MGAT4C: variants seen among roughly 807,000 people sequenced by gnomAD.
MGAT4C encodes the protein MGAT4 family member C, also known as alpha-1,3-mannosyl-glycoprotein 4-beta-N-acetylglucosaminyltransferase C.
A neutral mutation model predicts 40.1 loss-of-function variants in MGAT4C; 19 were observed. That is an observed-to-expected ratio of 0.47 (90% CI 0.33 to 0.70). The LOEUF is 0.70. MGAT4C is among the 30% of genes least tolerant of loss of function. The probability of loss-of-function intolerance (pLI) is 0.02; values close to 1 mark genes in which losing one functional copy is unlikely to be tolerated. For synonymous variants in MGAT4C, 181 were observed against 187.1 expected, an observed-to-expected ratio of 0.97 and a Z score of 0.27; for missense variants, 491 against 563.2, an observed-to-expected ratio of 0.87 and a Z score of 1.30.
chr12:86,112,076 C>A (rs372241864), intron 1 of MGAT4C, among the ~76,000 whole-genome samples: 26 of 151,706 alleles, frequency 1.7e-4, no homozygotes, highest in Admixed American at 5.3e-4. Flanking sequence ...TAAGTATAAG[C>A]TAAATACAAT....
chr12:86,804,082 A>G (rs1650798497), intron 1 of MGAT4C, among the ~76,000 whole-genome samples: 2 of 149,986 alleles, frequency 1.3e-5, no homozygotes, highest in African/African-American at 2.5e-5. Flanking sequence ...AATACTATGC[A>G]GCCATAAAAA....
intron 1 of MGAT4C, among the ~76,000 whole-genome samples, chr12:86,233,922 T>C (rs1389292): frequency 0.89 from 135,881 of 152,142 alleles, 60,899 homozygotes; most frequent in East Asian, 1. Flanking sequence ...TTATTTTCTA[T>C]TATATACAAG....
chr12:86,358,356 C>T (rs1955367598), intron 3 of MGAT4C, among the ~76,000 whole-genome samples: 1 of 152,154 alleles, frequency 6.6e-6, no homozygotes, highest in Non-Finnish European at 1.5e-5. Context: ...ACAACCACTA[C>T]CAGCCACTGC....
rs56844963 is a variant in MGAT4C at position 86,200,127 on chromosome 12, G to GTTTT, written c.-57+56108_-57+56111dup. 1.6e-3 allele frequency among the ~76,000 whole-genome samples: 160 copies of GTTTT among 102,302 alleles called. 1 individual carries two copies. Among genetic ancestry groups the GTTTT allele is most frequent in the East Asian group, 6.2e-3 (20 of 3,232 alleles). The allele number at this position is 102,302 out of a possible 152,430, so 67.1% of individuals were successfully genotyped here. A position where few individuals can be genotyped will look rare whatever the true frequency, so the allele number is the denominator to read the frequency against. On this transcript the variant is annotated intron_variant, in intron 1 of 4. Coordinates refer to ENST00000611864, the MANE Select transcript of MGAT4C (RefSeq NM_001351288.2). ...ACAATGGCACAAATAGTATGTATTT[G>GTTTT]TTTTTTTTTTTTTTTTTTTTGATCT...
chr12:86,149,936 A>G (rs1884064154), intron 1 of MGAT4C, among the ~76,000 whole-genome samples: 1 of 152,212 alleles, frequency 6.6e-6, no homozygotes, highest in African/African-American at 2.4e-5. Context: ...CTAGTTTACT[A>G]TTAGATATTC....
At chr12:86,299,088 A>C (rs1474079070) in intron 4 of MGAT4C, among the ~76,000 whole-genome samples, 1 of 152,106 alleles carries the variant, frequency 6.6e-6, no homozygotes, top group African/African-American at 2.4e-5. Flanking sequence ...AATTTATAGA[A>C]TACTCTGATC....
chr12:86,013,140 C>T, intron 2 of MGAT4C, among the ~76,000 whole-genome samples: 1 of 152,108 alleles, frequency 6.6e-6, no homozygotes, highest in East Asian at 1.9e-4. Flanking sequence ...GTCTCTTCTT[C>T]AACAGAGAAG....
rs1272836994 is a variant in MGAT4C, at chr12:86,527,407, A to G, written c.-228-92142T>C. ...ATTTTTATTACTGTATCTTTGTCAT[A>G]TATTTGAAGTCAGGTAATGTAATGC... is the stretch of plus-strand genomic sequence containing the variant. On this transcript the variant is annotated intron_variant, in intron 2 of 7. Coordinates refer to the MGAT4C transcript ENST00000548651. Among the ~76,000 whole-genome samples the G allele has an allele frequency of 3.9e-5, 6 of 152,160 alleles. 1 individual carries two copies. In the East Asian group the frequency reaches 9.7e-4, roughly 25 times the overall value.
Position 86,049,714 on chromosome 12 carries a change from C to T in MGAT4C, c.-47G>A. 2 of 982,032 alleles carry T rather than the reference C, an allele frequency of 2.0e-6. No homozygotes were observed. Among genetic ancestry groups the T allele is most frequent in the Non-Finnish European group, 2.4e-6 (2 of 826,670 alleles). 60.8% of individuals were successfully genotyped at this position (982,032 alleles called of 1,614,324 possible). ...GTCATAATCTGTGCTGTACAGAAAC[C>T]GTTGATACCCTGGAAAAAAGAAAGT... On this transcript the variant is annotated 5_prime_UTR_variant, in exon 2 of 5. Transcript: ENST00000611864.
intron 1 of MGAT4C, among the ~76,000 whole-genome samples, chr12:86,788,833 G>T (rs1456487504): frequency 6.6e-6 from 1 of 152,110 alleles, no homozygotes; most frequent in Non-Finnish European, 1.5e-5. Flanking sequence ...AGGAAATCTT[G>T]TCAATGTACA....
intron 2 of MGAT4C, among the ~76,000 whole-genome samples, chr12:86,507,832 C>A (rs974673158): frequency 3.0e-4 from 45 of 152,166 alleles, no homozygotes; most frequent in African/African-American, 1.1e-3. Flanking sequence ...ATTTGGAAAT[C>A]AGGAAGTGTG....
At chr12:86,099,527 C>G in intron 1 of MGAT4C, among the ~76,000 whole-genome samples, 1 of 151,340 alleles carries the variant, frequency 6.6e-6, no homozygotes, top group Non-Finnish European at 1.5e-5. Context: ...ATAACTCCAT[C>G]AGAAAGTGAG....
chr12:86,774,342 TCTCTCTCTCTCCCCTCTCTCTC>T (rs1951707979), intron 1 of MGAT4C, among the ~76,000 whole-genome samples: 7 of 88,288 alleles, frequency 7.9e-5, no homozygotes, highest in Admixed American at 1.3e-4. Flanking sequence ...TTTCTTTCTG[TCTCTCTCTCTCCCCTCTCTCTC>T]TCTCTCTTTC....
intron 2 of MGAT4C, among the ~76,000 whole-genome samples, chr12:86,515,375 CA>C (rs1565819429): frequency 6.6e-6 from 1 of 151,874 alleles, no homozygotes; most frequent in African/African-American, 2.4e-5. Context: ...ATCTGGTATA[CA>C]AAAAAATTCT....
chr12:86,202,027 T>G (rs1299768870), intron 1 of MGAT4C, among the ~76,000 whole-genome samples: 1 of 152,074 alleles, frequency 6.6e-6, no homozygotes, highest in Non-Finnish European at 1.5e-5. Flanking sequence ...GTTATTACAT[T>G]TATAAAATAT....
intron 1 of MGAT4C, among the ~76,000 whole-genome samples, chr12:86,744,217 C>T (rs572537935): frequency 8.6e-5 from 13 of 151,384 alleles, no homozygotes; most frequent in Non-Finnish European, 1.9e-4. Context: ...GAGACAACCA[C>T]GGAACTAAAT....
At chr12:86,823,017 T>C (rs1000331329) in intron 1 of MGAT4C, among the ~76,000 whole-genome samples, 1 of 150,456 alleles carries the variant, frequency 6.6e-6, no homozygotes, top group African/African-American at 2.4e-5. Flanking sequence ...TAGGTAGTAA[T>C]TGAACAACAC....
intron 3 of MGAT4C, among the ~76,000 whole-genome samples, chr12:86,339,929 G>T (rs903730680): frequency 6.6e-6 from 1 of 152,074 alleles, no homozygotes; most frequent in Admixed American, 6.6e-5. Context: ...CAGCACTTTG[G>T]TTTTATTTTT....
intron 2 of MGAT4C, among the ~76,000 whole-genome samples, chr12:86,611,009 C>T (rs954868233): frequency 6.6e-6 from 1 of 151,462 alleles, no homozygotes; most frequent in South Asian, 2.1e-4. Flanking sequence ...TAAGTTCTCT[C>T]GCTGTGCTCA....
Sources: allele counts gnomAD v4.1 joint callset (sites outside exome capture counted in the v4.1 genomes callset), GRCh38; gene constraint gnomAD v4.1.1; transcripts MANE v1.5; gene names NCBI Gene and HGNC (gene_info 2026-07-23, HGNC 2026-07-21).